Variants in SCN3A observed in about 807,000 individuals in gnomAD.
The protein encoded by SCN3A is sodium voltage-gated channel alpha subunit 3.
SCN3A carries 60 observed loss-of-function variants against 187.6 expected under a neutral mutation model. That is an observed-to-expected ratio of 0.32 (90% CI 0.26 to 0.40). The LOEUF is 0.40. SCN3A is among the 10% of genes least tolerant of loss of function. The probability of loss-of-function intolerance (pLI) is 1.00; values close to 1 mark genes in which losing one functional copy is unlikely to be tolerated. For missense variants in SCN3A, 1,601 were observed against 2,428.2 expected (o/e 0.66, Z 7.16); for synonymous variants, 788 against 829.2 (o/e 0.95, Z 0.85).
At chr2:165,125,578 A>G (rs1298526234) in intron 18 of SCN3A, among the ~76,000 whole-genome samples, 1 of 152,136 alleles carries the variant, frequency 6.6e-6, no homozygotes, top group African/African-American at 2.4e-5. Context: ...CGGCCTCCCA[A>G]AGTGCTGGGA....
intron 11 of SCN3A, among the ~76,000 whole-genome samples, chr2:165,149,571 T>C (rs565695474): frequency 1.3e-5 from 2 of 152,326 alleles, no homozygotes; most frequent in South Asian, 4.1e-4. Context: ...GCAACAAAGG[T>C]AACCTCAGAC....
chr2:165,107,358 A>G (rs1455012307), intron 21 of SCN3A, among the ~76,000 whole-genome samples: 1 of 152,212 alleles, frequency 6.6e-6, no homozygotes, highest in African/African-American at 2.4e-5. Flanking sequence ...CTTCCAAGAA[A>G]TGGACAAAAT....
In SCN3A at chr2:165,139,700, A is replaced by G. The variant is rs58549257; in HGVS notation, c.2020-92T>C. Reference sequence around the variant, plus strand: ...TCTTTGGCAAATCATGCTACATGCAATTTTTCCAGGTAAGAATTTTCAAGG... The same window carrying G: ...TCTTTGGCAAATCATGCTACATGCAGTTTTTCCAGGTAAGAATTTTCAAGG... On this transcript the variant is annotated intron_variant, in intron 13 of 27. Transcript: ENST00000283254. 4.4e-3 allele frequency: 6,464 copies of G among 1,480,954 alleles called. 126 individuals are homozygous for G. The African/African-American group carries it at 0.055, about 13-fold the overall frequency. 91.7% of individuals were successfully genotyped at this position (1,480,954 alleles called of 1,614,324 possible).
At chr2:165,101,716 A>G (rs970386535) in intron 21 of SCN3A, among the ~76,000 whole-genome samples, 2 of 152,202 alleles carry the variant, frequency 1.3e-5, no homozygotes, top group East Asian at 1.9e-4. Flanking sequence ...TTAATTTCCT[A>G]TGAAAAAAGG....
At chr2:165,153,595 G>C (rs919347697) in intron 11 of SCN3A, among the ~76,000 whole-genome samples, 4 of 151,848 alleles carry the variant, frequency 2.6e-5, no homozygotes, top group African/African-American at 9.7e-5. Context: ...CTTCATAAAA[G>C]AAGCTATACA....
chr2:165,185,613 G>A (rs1302613464), intron 2 of SCN3A, among the ~76,000 whole-genome samples: 1 of 152,146 alleles, frequency 6.6e-6, no homozygotes. Flanking sequence ...GCAGGTCACA[G>A]AGACATATTT....
At position 165,092,069 on chromosome 2, in the gene SCN3A, T is replaced by C. The variant is rs1685132183; in HGVS notation, c.4807+185A>G. ...CCCAAATCTGGTATTCCTAACATGG[T>C]TTCTAACTAGTTAGCTTTGTGAATA... is the stretch of plus-strand genomic sequence containing the variant. On this transcript the variant is annotated intron_variant, in intron 27 of 27. Transcript: ENST00000283254. This position sits in a 1 kb window ranked among gnomAD's most constrained non-coding sequence, Gnocchi z 4.2. 1 of 642,328 alleles carries C rather than the reference T, an allele frequency of 1.6e-6. No homozygotes were observed. Among genetic ancestry groups the C allele is most frequent in the East Asian group, 2.7e-5 (1 of 36,826 alleles). The allele number at this position is 642,328 out of a possible 1,614,324, so 39.8% of individuals were successfully genotyped here. A position where few individuals can be genotyped will look rare whatever the true frequency, so the allele number is the denominator to read the frequency against.
chr2:165,113,074 A>G lies in SCN3A; in HGVS notation c.3670-16T>C, dbSNP rs779250872. The G allele has an allele frequency of 6.3e-7, 1 of 1,596,866 alleles. No individual in the cohort carries two copies. The highest frequency in any genetic ancestry group is 1.7e-5 in the Admixed American group (1 of 59,832). Reference sequence around the variant, plus strand: ...CTTCAAAGGCCTATGAATCAAAAATATTTTATTTTACTTAAATGGCTTGCT... The same window carrying G: ...CTTCAAAGGCCTATGAATCAAAAATGTTTTATTTTACTTAAATGGCTTGCT... On this transcript the variant is annotated splice_polypyrimidine_tract_variant and intron_variant, in intron 20 of 27. Transcript: ENST00000283254.
At chr2:165,190,581 A>T (rs1235444972) in intron 1 of SCN3A, among the ~76,000 whole-genome samples, 1 of 144,600 alleles carries the variant, frequency 6.9e-6, no homozygotes, top group Non-Finnish European at 1.5e-5. Context: ...TATTTATATA[A>T]AACTTTATAT....
chr2:165,099,445 G>A (rs895108651), intron 22 of SCN3A, among the ~76,000 whole-genome samples: 2 of 152,170 alleles, frequency 1.3e-5, no homozygotes, highest in African/African-American at 2.4e-5. Flanking sequence ...TGGGCTGGGC[G>A]CAGTGGTTCA....
chr2:165,181,434 G>GA (rs1298702848), intron 2 of SCN3A, among the ~76,000 whole-genome samples: 5 of 152,172 alleles, frequency 3.3e-5, no homozygotes, highest in Non-Finnish European at 7.4e-5. Context: ...TTGTTATGAA[G>GA]GTCTTCCAGA....
At chr2:165,130,535 A>G in intron 16 of SCN3A, 1 of 522,112 alleles carries the variant, frequency 1.9e-6, no homozygotes, top group Non-Finnish European at 3.4e-6. Flanking sequence ...AATAAATAAA[A>G]CATTTCTGAT....
chr2:165,154,780 C>T, intron 10 of SCN3A, 122 bp from the exon 11 acceptor site: 5 of 1,000,896 alleles, frequency 5.0e-6, no homozygotes, highest in South Asian at 1.4e-5. Context: ...TTTATTTTCA[C>T]CAAGAATTTT....
At chr2:165,157,386 C>T (rs1361122498) in intron 9 of SCN3A, among the ~76,000 whole-genome samples, 1 of 152,148 alleles carries the variant, frequency 6.6e-6, no homozygotes, top group East Asian at 1.9e-4. Flanking sequence ...TATAGAATAC[C>T]CTTCAATTGG....
chr2:165,182,693 G>C (rs1187171090), intron 2 of SCN3A, among the ~76,000 whole-genome samples: 1 of 152,090 alleles, frequency 6.6e-6, no homozygotes, highest in Non-Finnish European at 1.5e-5. Context: ...GGTTTGTAAG[G>C]CATGATAATA....
At chr2:165,143,624 T>C (rs912563184) in intron 12 of SCN3A, among the ~76,000 whole-genome samples, 6 of 152,152 alleles carry the variant, frequency 3.9e-5, no homozygotes, top group Admixed American at 1.3e-4. Context: ...CCCACAGCTG[T>C]GGCAACACTT....
chr2:165,175,823 T>C (rs890826887), intron 3 of SCN3A, among the ~76,000 whole-genome samples: 3 of 152,170 alleles, frequency 2.0e-5, no homozygotes, highest in African/African-American at 4.8e-5. Context: ...TACCCTGTGC[T>C]TGAATATGTC....
At chr2:165,095,746 C>T in intron 24 of SCN3A, 98 bp from the exon 25 acceptor site, 1 of 685,336 alleles carries the variant, frequency 1.5e-6, no homozygotes, top group Non-Finnish European at 2.4e-6. Context: ...TACAGTGCTA[C>T]TTTTGCCTTA....
At position 165,162,610 on chromosome 2, in the gene SCN3A, A is replaced by T. The variant is rs762991220; in HGVS notation, c.913T>A (p.Phe305Ile). The change falls in exon 8 of 28, where the codon TTT becomes ATT. Residue 305 changes from phenylalanine to isoleucine, a missense_variant. By Grantham distance (21) the Phe-to-Ile change is conservative. Coordinates refer to ENST00000283254, the MANE Select transcript of SCN3A (RefSeq NM_006922.4). ...FNGTMDSNGTFVNVTMSTFNW... is the reference protein window; with the variant it reads ...FNGTMDSNGTIVNVTMSTFNW... ...AATGTGCTCATTGTTACATTAACAA[A>T]TGTCCCATTTGAATCCATTGTGCCA... The T allele has an allele frequency of 3.1e-6, 5 of 1,614,174 alleles. No homozygotes were observed. The highest frequency in any genetic ancestry group is 4.2e-6 in the Non-Finnish European group (5 of 1,180,020).
Sources: gnomAD v4.1 joint callset for allele counts (sites outside exome capture counted in the v4.1 genomes callset) on GRCh38, gnomAD v4.1.1 for gene constraint, Gnocchi (gnomAD v3.1) non-coding constraint, MANE v1.5 for transcripts, NCBI Gene and HGNC (gene_info 2026-07-23, HGNC 2026-07-21) for gene names.